The following ANKRD52 variants were observed in gnomAD, a reference collection of about 807,000 sequenced individuals.
ANKRD52 encodes the protein ankyrin repeat domain 52.
Under a neutral mutation model 116.0 loss-of-function variants are expected in ANKRD52, and 7 were observed. That is an observed-to-expected ratio of 0.06 (90% CI 0.03 to 0.11). ANKRD52 has a LOEUF of 0.11. ANKRD52 is among the 10% of genes least tolerant of loss of function. The pLI, the probability that ANKRD52 is intolerant of heterozygous loss-of-function variation, is 1.00. For synonymous variants in ANKRD52, 528 were observed against 578.1 expected, an observed-to-expected ratio of 0.91 and a Z score of 1.24; for missense variants, 839 against 1,408.6, an observed-to-expected ratio of 0.60 and a Z score of 6.47.
intron 15 of ANKRD52, among the ~76,000 whole-genome samples, chr12:56,251,107 AT>A (rs1198970250): frequency 6.6e-6 from 1 of 151,412 alleles, no homozygotes; most frequent in South Asian, 2.1e-4. Context: ...TGACCAGCTA[AT>A]TTTTATATTT....
intron 3 of ANKRD52, 95 bp downstream of exon 3, chr12:56,257,188 G>GAC: frequency 6.5e-7 from 1 of 1,546,436 alleles, no homozygotes; most frequent in Admixed American, 1.9e-5. Context: ...GCCTCGCCTG[G>GAC]ACCAAGCCGG....
Position 56,255,182 on chromosome 12 carries a change from G to A in ANKRD52, c.463-230C>T. 2.3e-6 allele frequency: 1 copy of A among 439,856 alleles called. No individual in the cohort carries two copies. The highest frequency in any genetic ancestry group is 4.1e-6 in the Non-Finnish European group (1 of 246,730). 27.2% of individuals were successfully genotyped at this position (439,856 alleles called of 1,614,324 possible). ...GAGAGTCTCTTCAGGTGATCTGGTGGTTCTTAAACTCTTTTTTTTTTTTTT... is the reference window on the plus strand; with the variant it reads ...GAGAGTCTCTTCAGGTGATCTGGTGATTCTTAAACTCTTTTTTTTTTTTTT... On this transcript the variant is annotated intron_variant, in intron 5 of 27. Coordinates refer to ENST00000267116, the MANE Select transcript of ANKRD52 (RefSeq NM_173595.4). The surrounding 1 kb of genome is among the most constrained non-coding windows in gnomAD (Gnocchi z 4.3).
rs1365216918 is a variant in ANKRD52 at position 56,243,660 on chromosome 12, C to A, written c.2980+125G>T. On this transcript the variant is annotated intron_variant, in intron 27 of 27. Coordinates refer to ENST00000267116, the MANE Select transcript of ANKRD52 (RefSeq NM_173595.4). This position sits in a 1 kb window ranked among gnomAD's most constrained non-coding sequence, Gnocchi z 4.6. The stretch of plus-strand genomic sequence containing the variant: ...TGAGACTCCAGAGTACTGGTGTGGG[C>A]TCCCTGCTCTGAAGAGTTCCCTTGG... 24 of 1,097,420 alleles carry A rather than the reference C, an allele frequency of 2.2e-5. No individual in the cohort carries two copies. Among genetic ancestry groups the A allele is most frequent in the Non-Finnish European group, 2.9e-5 (22 of 764,574 alleles). The allele number at this position is 1,097,420 out of a possible 1,614,324, so 68.0% of individuals were successfully genotyped here. A position where few individuals can be genotyped will look rare whatever the true frequency, so the allele number is the denominator to read the frequency against.
In ANKRD52 at chr12:56,239,830, T is replaced by TA. The variant is rs1871086099; in HGVS notation, c.*3311_*3312insT. On this transcript the variant is annotated 3_prime_UTR_variant, in exon 28 of 28. Coordinates refer to ENST00000267116, the MANE Select transcript of ANKRD52 (RefSeq NM_173595.4). ...GGGCAGACAGTGGTGGAAACAGTAT[T>TA]GAGTTTTCCTTTGGTTACATATTGA... The TA allele has an allele frequency of 6.6e-6, 1 of 152,254 alleles. No homozygotes were observed. Among genetic ancestry groups the TA allele is most frequent in the Non-Finnish European group, 1.5e-5 (1 of 68,100 alleles). The allele number at this position is 152,254 out of a possible 1,614,324, so 9.4% of individuals were successfully genotyped here. A position where few individuals can be genotyped will look rare whatever the true frequency, so the allele number is the denominator to read the frequency against.
rs1448927502 is a variant in ANKRD52 at position 56,242,636 on chromosome 12, G to C, written c.*506C>G. Reference sequence around the variant, plus strand: ...CTCATCCTCTAGCTGCCCCTGAAGGGGGGAGGGGGACACCCCCAGAGTGCT... The same window carrying C: ...CTCATCCTCTAGCTGCCCCTGAAGGCGGGAGGGGGACACCCCCAGAGTGCT... On this transcript the variant is annotated 3_prime_UTR_variant, in exon 28 of 28. Transcript: ENST00000267116. The surrounding 1 kb of genome is among the most constrained non-coding windows in gnomAD (Gnocchi z 4.3). 3 of 169,264 alleles carry C rather than the reference G, an allele frequency of 1.8e-5. No individual in the cohort carries two copies. The highest frequency in any genetic ancestry group is 7.1e-5 in the African/African-American group (3 of 42,028). 10.5% of individuals were successfully genotyped at this position (169,264 alleles called of 1,614,324 possible).
Position 56,240,123 on chromosome 12 carries a change from C to T in ANKRD52, c.*3019G>A. On this transcript the variant is annotated 3_prime_UTR_variant, in exon 28 of 28. Transcript: ENST00000267116. This position sits in a 1 kb window ranked among gnomAD's most constrained non-coding sequence, Gnocchi z 4.2. Reference sequence around the variant, plus strand: ...TTCAGCAGTCCTATGGCTCAGGGGGCCACGGGGCAGGGGAGGTGGCCCGTC... The same window carrying T: ...TTCAGCAGTCCTATGGCTCAGGGGGTCACGGGGCAGGGGAGGTGGCCCGTC... The T allele has an allele frequency of 6.6e-6, 1 of 152,348 alleles. No individual in the cohort carries two copies. Among genetic ancestry groups the T allele is most frequent in the Non-Finnish European group, 1.5e-5 (1 of 68,126 alleles). 9.4% of individuals were successfully genotyped at this position (152,348 alleles called of 1,614,324 possible).
At chr12:56,250,221 T>A (rs1366708423) in intron 15 of ANKRD52, among the ~76,000 whole-genome samples, 2 of 150,362 alleles carry the variant, frequency 1.3e-5, no homozygotes, top group Non-Finnish European at 3.0e-5. Flanking sequence ...ATTAATTAAT[T>A]TATTTATTTA....
At position 56,258,232 on chromosome 12, in the gene ANKRD52, G is replaced by A; in HGVS notation, c.27+11C>T. 2 of 1,600,402 alleles carry A rather than the reference G, an allele frequency of 1.2e-6. No homozygotes were observed. Among genetic ancestry groups the A allele is most frequent in the Non-Finnish European group, 8.5e-7 (1 of 1,174,718 alleles). Reference sequence around the variant, plus strand: ...TGGAAGGAGGAAGCGGGAAAGGGCAGGAGGGCTGACCTGGTCCGTGATGCT... The same window carrying A: ...TGGAAGGAGGAAGCGGGAAAGGGCAAGAGGGCTGACCTGGTCCGTGATGCT... On this transcript the variant is annotated intron_variant, in intron 1 of 27. Transcript: ENST00000267116.
At chr12:56,250,734 TA>T (rs60547094) in intron 15 of ANKRD52, among the ~76,000 whole-genome samples, 582 of 119,932 alleles carry the variant, frequency 4.9e-3, no homozygotes, top group Middle Eastern at 8.3e-3. Context: ...ATAAATTAAT[TA>T]AAAAAAAAAA....
chr12:56,246,973 T>C (rs201246363), intron 20 of ANKRD52, among the ~76,000 whole-genome samples: 1 of 122,952 alleles, frequency 8.1e-6, no homozygotes, highest in African/African-American at 3.0e-5. Context: ...ATAATAATAA[T>C]AAACAAAGCA....
At position 56,254,395 on chromosome 12, in the gene ANKRD52, G is replaced by T; in HGVS notation, c.694-116C>A. 6.9e-7 allele frequency: 1 copy of T among 1,444,266 alleles called. No individual in the cohort carries two copies. Among genetic ancestry groups the T allele is most frequent in the Non-Finnish European group, 9.5e-7 (1 of 1,055,428 alleles). The allele number at this position is 1,444,266 out of a possible 1,614,324, so 89.5% of individuals were successfully genotyped here. ...CTGCCTCATTTCCTCTCGGGTTTAT[G>T]ACCCAAGGTACTAAGGTACTAAGGG... is the stretch of plus-strand genomic sequence containing the variant. On this transcript the variant is annotated intron_variant, in intron 7 of 27. Transcript: ENST00000267116. This position sits in a 1 kb window ranked among gnomAD's most constrained non-coding sequence, Gnocchi z 4.6.
chr12:56,254,806 TC>T lies in ANKRD52; in HGVS notation c.550+58del. ...TCTCTTCAAAGGCTGCAACCCCACA[TC>T]CCTGCCCTAGGAATCCTAAATGTCA... On this transcript the variant is annotated intron_variant, in intron 6 of 27. Transcript: ENST00000267116. The surrounding 1 kb of genome is among the most constrained non-coding windows in gnomAD (Gnocchi z 4.6). The T allele has an allele frequency of 6.2e-7, 1 of 1,602,930 alleles. No individual in the cohort carries two copies. The highest frequency in any genetic ancestry group is 8.5e-7 in the Non-Finnish European group (1 of 1,170,378).
At chr12:56,245,680 G>T in intron 20 of ANKRD52, 84 bp from the exon 21 acceptor site, 25 of 969,674 alleles carry the variant, frequency 2.6e-5, no homozygotes, top group Non-Finnish European at 3.5e-5. Flanking sequence ...TCAGGAGTAA[G>T]AACCACTTCC....
intron 15 of ANKRD52, among the ~76,000 whole-genome samples, chr12:56,251,035 G>A (rs1007281668): frequency 2.0e-5 from 3 of 152,020 alleles, no homozygotes; most frequent in Non-Finnish European, 4.4e-5. Context: ...CCACCTCCCT[G>A]GTTCAAGTGA....
rs1357891853 is a variant in ANKRD52 at position 56,248,574 on chromosome 12, G to A, written c.1705-8C>T. 1 of 1,583,698 alleles carries A rather than the reference G, an allele frequency of 6.3e-7. No homozygotes were observed. The highest frequency in any genetic ancestry group is 8.6e-7 in the Non-Finnish European group (1 of 1,165,098). ...AAAGGACATTTCTAAGAGCTGCAAA[G>A]GACAGGAAAGTAGGTGCTGAGACTC... On this transcript the variant is annotated splice_polypyrimidine_tract_variant and splice_region_variant and intron_variant, in intron 16 of 27. Transcript: ENST00000267116. The surrounding 1 kb of genome is among the most constrained non-coding windows in gnomAD (Gnocchi z 5.1).
chr12:56,240,406 C>T lies in ANKRD52; in HGVS notation c.*2736G>A, dbSNP rs570649388. ...GACCTGGGGCTGCTCCCAGGGTCCTCGCTTAAAATAGGCCTTTTCACAAAA... is the reference window on the plus strand; with the variant it reads ...GACCTGGGGCTGCTCCCAGGGTCCTTGCTTAAAATAGGCCTTTTCACAAAA... On this transcript the variant is annotated 3_prime_UTR_variant, in exon 28 of 28. Transcript: ENST00000267116. This position sits in a 1 kb window ranked among gnomAD's most constrained non-coding sequence, Gnocchi z 4.2. 5 of 152,076 alleles carry T rather than the reference C, an allele frequency of 3.3e-5. No homozygotes were observed. Among genetic ancestry groups the T allele is most frequent in the South Asian group, 2.1e-4 (1 of 4,816 alleles). 9.4% of individuals were successfully genotyped at this position (152,076 alleles called of 1,614,324 possible). A position where few individuals can be genotyped will look rare whatever the true frequency, so the allele number is the denominator to read the frequency against.
chr12:56,253,606 A>T lies in ANKRD52; in HGVS notation c.985+116T>A, dbSNP rs1376515687. ...CACAGGTCCCTTGGTCAGAGTTCCA[A>T]GGGCCTATCCTACTGGAAGAGGGCA... On this transcript the variant is annotated intron_variant, in intron 9 of 27. Transcript: ENST00000267116. This position sits in a 1 kb window ranked among gnomAD's most constrained non-coding sequence, Gnocchi z 5.5. 3.4e-6 allele frequency: 4 copies of T among 1,191,202 alleles called. No individual in the cohort carries two copies. The highest frequency in any genetic ancestry group is 1.2e-6 in the Non-Finnish European group (1 of 832,278). 73.8% of individuals were successfully genotyped at this position (1,191,202 alleles called of 1,614,324 possible). A position where few individuals can be genotyped will look rare whatever the true frequency, so the allele number is the denominator to read the frequency against.
intron 15 of ANKRD52, among the ~76,000 whole-genome samples, chr12:56,251,677 G>A (rs901607102): frequency 7.3e-5 from 11 of 150,046 alleles, no homozygotes; most frequent in Non-Finnish European, 1.5e-4. Context: ...CCAGCCGGGC[G>A]CGGTGAGCTG....
Position 56,248,911 on chromosome 12 carries a change from A to G in ANKRD52, c.1593-41T>C. 6.9e-7 allele frequency: 1 copy of G among 1,444,024 alleles called. No homozygotes were observed. Among genetic ancestry groups the G allele is most frequent in the South Asian group, 1.3e-5 (1 of 77,802 alleles). 89.5% of individuals were successfully genotyped at this position (1,444,024 alleles called of 1,614,324 possible). On this transcript the variant is annotated intron_variant, in intron 15 of 27. Transcript: ENST00000267116. This position sits in a 1 kb window ranked among gnomAD's most constrained non-coding sequence, Gnocchi z 5.1. ...TAGACTGTGAGGCAGGGACAGGCCC[A>G]GCCCAGGAGGGCACAGTTCTGGGAG...
Sources: gnomAD v4.1 joint callset for allele counts (sites outside exome capture counted in the v4.1 genomes callset) on GRCh38, gnomAD v4.1.1 for gene constraint, Gnocchi (gnomAD v3.1) non-coding constraint, MANE v1.5 for transcripts, NCBI Gene and HGNC (gene_info 2026-07-23, HGNC 2026-07-21) for gene names.